The following SDK1 variants were observed in gnomAD, a reference collection of about 807,000 sequenced individuals.
SDK1 encodes sidekick cell adhesion molecule 1.
A neutral mutation model predicts 245.5 loss-of-function variants in SDK1; 157 were observed. That is an observed-to-expected ratio of 0.64 (90% confidence interval 0.56 to 0.73). The LOEUF is 0.73. Ranked by LOEUF, SDK1 falls within the 30% of genes least tolerant of loss-of-function variation. The pLI is 0.00. For missense variants in SDK1, 3,583 were observed against 3,002.3 expected (o/e 1.19, Z -4.52); for synonymous variants, 1,647 against 1,278.5 (o/e 1.29, Z -6.15).
intron 1 of SDK1, among the ~76,000 whole-genome samples, chr7:3,350,213 T>G (rs1254245299): frequency 6.6e-6 from 1 of 152,046 alleles, no homozygotes; most frequent in African/African-American, 2.4e-5. Flanking sequence ...AAACATAGGA[T>G]GGATGTGCCA....
chr7:4,146,364 C>T (rs1779981954), intron 29 of SDK1, among the ~76,000 whole-genome samples: 1 of 150,994 alleles, frequency 6.6e-6, no homozygotes, highest in South Asian at 2.2e-4. Context: ...TTCACACCTT[C>T]TGCCTCACAC....
At chr7:3,613,160 T>C (rs1014315066) in intron 1 of SDK1, among the ~76,000 whole-genome samples, 1 of 152,164 alleles carries the variant, frequency 6.6e-6, no homozygotes, top group Non-Finnish European at 1.5e-5. Context: ...ATTTTAGCTG[T>C]TGTGGAACAG....
At chr7:4,192,839 C>T (rs1783289885) in intron 35 of SDK1, among the ~76,000 whole-genome samples, 1 of 151,746 alleles carries the variant, frequency 6.6e-6, no homozygotes, top group African/African-American at 2.4e-5. Context: ...CCACCTCCTC[C>T]CCTCCCGTGT....
chr7:3,758,562 C>T (rs1452413254), intron 4 of SDK1, among the ~76,000 whole-genome samples: 1 of 152,208 alleles, frequency 6.6e-6, no homozygotes, highest in African/African-American at 2.4e-5. Context: ...ATGGCTCCTA[C>T]TGTGGCCTTG....
At chr7:3,947,510 T>C (rs1780626864) in intron 5 of SDK1, among the ~76,000 whole-genome samples, 1 of 149,744 alleles carries the variant, frequency 6.7e-6, no homozygotes, top group Non-Finnish European at 1.5e-5. Context: ...TTGCCTTTCC[T>C]TTTAAAAAGA....
chr7:3,532,395 G>A (rs1235754693), intron 1 of SDK1, among the ~76,000 whole-genome samples: 1 of 152,148 alleles, frequency 6.6e-6, no homozygotes, highest in Non-Finnish European at 1.5e-5. Context: ...TCTGGCTTTG[G>A]CGCTTTGCTC....
At chr7:3,697,260 C>G (rs377153793) in intron 4 of SDK1, among the ~76,000 whole-genome samples, 23 of 152,240 alleles carry the variant, frequency 1.5e-4, no homozygotes, top group African/African-American at 5.3e-4. Context: ...ATAAGAAAAG[C>G]CAAGATATTG....
chr7:3,458,039 C>T (rs1369638868), intron 1 of SDK1, among the ~76,000 whole-genome samples: 1 of 152,134 alleles, frequency 6.6e-6, no homozygotes, highest in Non-Finnish European at 1.5e-5. Context: ...TCCAGTGATT[C>T]TCTTGACAAT....
At chr7:3,805,146 C>T (rs935056991) in intron 4 of SDK1, among the ~76,000 whole-genome samples, 8 of 152,142 alleles carry the variant, frequency 5.3e-5, no homozygotes, top group East Asian at 1.9e-4. Context: ...AATTTTTATT[C>T]GTCCATTAAA....
intron 1 of SDK1, among the ~76,000 whole-genome samples, chr7:3,578,315 G>T (rs1780366769): frequency 6.6e-6 from 1 of 151,972 alleles, no homozygotes; most frequent in African/African-American, 2.4e-5. Flanking sequence ...CAGGGAGTAG[G>T]TCACAAAGAT....
At chr7:3,738,806 TTTC>T (rs1196299941) in intron 4 of SDK1, among the ~76,000 whole-genome samples, 1 of 152,102 alleles carries the variant, frequency 6.6e-6, no homozygotes, top group Non-Finnish European at 1.5e-5. Flanking sequence ...ATGAAATTGT[TTTC>T]TTAATTTCCT....
At chr7:3,770,708 G>T (rs1474695623) in intron 4 of SDK1, among the ~76,000 whole-genome samples, 2 of 152,082 alleles carry the variant, frequency 1.3e-5, no homozygotes, top group Non-Finnish European at 2.9e-5. Flanking sequence ...ACATCCTTCT[G>T]TCTCCTGATT....
intron 12 of SDK1, among the ~76,000 whole-genome samples, chr7:3,973,389 A>G (rs886562021): frequency 2.0e-5 from 3 of 152,252 alleles, no homozygotes; most frequent in Non-Finnish European, 2.9e-5. Context: ...TTCATTCCAT[A>G]TAGCAATGAG....
At chr7:4,123,264 T>G (rs1784183243) in intron 25 of SDK1, among the ~76,000 whole-genome samples, 1 of 152,242 alleles carries the variant, frequency 6.6e-6, no homozygotes, top group African/African-American at 2.4e-5. Context: ...ACCAACGTCT[T>G]GGGCATACAG....
intron 1 of SDK1, among the ~76,000 whole-genome samples, chr7:3,598,677 C>A (rs1339026006): frequency 6.6e-6 from 1 of 152,172 alleles, no homozygotes; most frequent in Non-Finnish European, 1.5e-5. Flanking sequence ...ATACTTTTGT[C>A]ATTTCAAGAA....
At chr7:3,901,431 C>G (rs1464513680) in intron 5 of SDK1, among the ~76,000 whole-genome samples, 4 of 152,136 alleles carry the variant, frequency 2.6e-5, no homozygotes, top group African/African-American at 9.7e-5. Context: ...TGTAATCTGC[C>G]TGCCTTGGCC....
At chr7:3,403,732 T>C (rs1489334838) in intron 1 of SDK1, among the ~76,000 whole-genome samples, 1 of 149,476 alleles carries the variant, frequency 6.7e-6, no homozygotes, top group Non-Finnish European at 1.5e-5. Flanking sequence ...CTCACTTGTG[T>C]GCTCTTCTGA....
Position 3,787,866 on chromosome 7 carries a change from C to T in SDK1, c.714-33584C>T, listed in dbSNP as rs1175174142. On this transcript the variant is annotated intron_variant, in intron 4 of 44. Transcript: ENST00000404826. ...CATAAGACGTGGTTTCATTGGGGCC[C>T]TTCTACCTCAGGACCGCTGGAGTTT... 2.0e-5 allele frequency among the ~76,000 whole-genome samples: 3 copies of T among 152,218 alleles called. No individual in the cohort carries two copies. The East Asian group carries it at 5.8e-4, about 29-fold the overall frequency.
intron 1 of SDK1, among the ~76,000 whole-genome samples, chr7:3,362,943 T>G (rs147853266): frequency 2.6e-4 from 39 of 152,334 alleles, no homozygotes; most frequent in African/African-American, 9.1e-4. Flanking sequence ...AACTGTAGAT[T>G]CACAAGCGGT....
Sources: gnomAD v4.1 joint callset for allele counts (sites outside exome capture counted in the v4.1 genomes callset) on GRCh38, gnomAD v4.1.1 for gene constraint, MANE v1.5 for transcripts, NCBI Gene and HGNC (gene_info 2026-07-23, HGNC 2026-07-21) for gene names.